The following IL1RAPL1 variants were observed in gnomAD, a reference collection of about 807,000 sequenced individuals.
IL1RAPL1 encodes interleukin-1 receptor accessory protein-like 1.
A neutral mutation model predicts 48.4 loss-of-function variants in IL1RAPL1; 3 were observed. The ratio of observed to expected loss-of-function variants is 0.06; its 90% CI spans 0.03 to 0.16. The LOEUF is 0.16. IL1RAPL1 is among the 10% of genes least tolerant of loss of function. The pLI is 1.00. For synonymous variants in IL1RAPL1, 185 were observed against 187.7 expected (o/e 0.99, Z 0.12); for missense variants, 349 against 530.6 (o/e 0.66, Z 3.36).
intron 5 of IL1RAPL1, among the ~76,000 whole-genome samples, chrX:29,653,692 G>A (rs982383035): frequency 1.8e-5 from 2 of 110,541 alleles, no homozygotes; most frequent in Non-Finnish European, 3.8e-5. Flanking sequence ...TCTTTAGTAA[G>A]CTTTTAGAGT....
At chrX:28,776,154 T>C in intron 1 of IL1RAPL1, among the ~76,000 whole-genome samples, 1 of 111,675 alleles carries the variant, frequency 9.0e-6, no homozygotes, top group Non-Finnish European at 1.9e-5. Flanking sequence ...AAGAGCAAGA[T>C]GATATGCATA....
chrX:28,899,465 C>T (rs775811032), intron 2 of IL1RAPL1, among the ~76,000 whole-genome samples: 7 of 111,780 alleles, frequency 6.3e-5, no homozygotes, highest in African/African-American at 1.9e-4. Context: ...ATTCCTGGGA[C>T]ATTTTGAATA....
intron 5 of IL1RAPL1, among the ~76,000 whole-genome samples, chrX:29,600,235 C>A (rs1054103901): frequency 8.9e-6 from 1 of 111,850 alleles, no homozygotes; most frequent in Non-Finnish European, 1.9e-5. Context: ...TGGTGTTCTC[C>A]CCCTTCCCCT....
intron 5 of IL1RAPL1, among the ~76,000 whole-genome samples, chrX:29,411,190 AATCT>A (rs1263126880): frequency 8.9e-6 from 1 of 112,213 alleles, no homozygotes; most frequent in African/African-American, 3.2e-5. Flanking sequence ...TCAGACATTG[AATCT>A]ATCCATACAT....
intron 6 of IL1RAPL1, among the ~76,000 whole-genome samples, chrX:29,885,099 G>A (rs1007706197): frequency 1.8e-5 from 2 of 111,123 alleles, no homozygotes; most frequent in African/African-American, 3.3e-5. Flanking sequence ...AGCCCCACTG[G>A]CCTTCTTGCT....
At chrX:29,294,050 A>G (rs868006378) in intron 3 of IL1RAPL1, among the ~76,000 whole-genome samples, 1 of 110,010 alleles carries the variant, frequency 9.1e-6, no homozygotes, top group Admixed American at 9.8e-5. Context: ...AAAAAAAAAA[A>G]TAAATGAATA....
intron 2 of IL1RAPL1, among the ~76,000 whole-genome samples, chrX:29,088,045 C>A (rs1927994007): frequency 9.0e-6 from 1 of 111,689 alleles, no homozygotes; most frequent in Non-Finnish European, 1.9e-5. Context: ...ACAACAACAA[C>A]AAATGTCTTC....
At chrX:28,962,590 A>G (rs1450729954) in intron 2 of IL1RAPL1, among the ~76,000 whole-genome samples, 1 of 111,287 alleles carries the variant, frequency 9.0e-6, no homozygotes. Flanking sequence ...AACCGACTGT[A>G]GATTGAAAAT....
chrX:28,815,639 C>T (rs1936854730), intron 2 of IL1RAPL1, among the ~76,000 whole-genome samples: 1 of 103,867 alleles, frequency 9.6e-6, no homozygotes, highest in African/African-American at 3.5e-5. Context: ...CTCTGACAAC[C>T]ATTAATCTAC....
chrX:29,556,967 T>C (rs1161413078), intron 5 of IL1RAPL1, among the ~76,000 whole-genome samples: 1 of 111,482 alleles, frequency 9.0e-6, no homozygotes, highest in Non-Finnish European at 1.9e-5. Flanking sequence ...TTTTAGCAAC[T>C]TTGTTTTTGA....
rs974909248 is a variant in IL1RAPL1, at chrX:29,623,291, AAAAG to A, written c.704-45120_704-45117del. On this transcript the variant is annotated intron_variant, in intron 5 of 10. Coordinates refer to ENST00000378993, the MANE Select transcript of IL1RAPL1 (RefSeq NM_014271.4). The stretch of plus-strand genomic sequence containing the variant: ...ACTGAGACTCCGTCTCAAAAAAAAA[AAAAG>A]AAAGAAAGAAAGAAAGAATTCTTGC... Among the ~76,000 whole-genome samples, 9 of 110,002 alleles carry A rather than the reference AAAAG, an allele frequency of 8.2e-5. No homozygotes were observed. The East Asian group carries it at 8.5e-4, about 10-fold the overall frequency.
intron 2 of IL1RAPL1, among the ~76,000 whole-genome samples, chrX:29,201,437 C>T (rs191566095): frequency 1.9e-3 from 210 of 110,861 alleles, no homozygotes; most frequent in African/African-American, 6.4e-3. Flanking sequence ...AAAAATATGA[C>T]GTTGTCTCTG....
intron 3 of IL1RAPL1, among the ~76,000 whole-genome samples, chrX:29,284,815 T>C (rs770459419): frequency 8.9e-6 from 1 of 112,316 alleles, no homozygotes; most frequent in African/African-American, 3.2e-5. Context: ...TAGGGTTTAC[T>C]AATCCTTTTA....
intron 2 of IL1RAPL1, among the ~76,000 whole-genome samples, chrX:29,198,946 T>C (rs893281678): frequency 8.9e-6 from 1 of 111,910 alleles, no homozygotes; most frequent in Admixed American, 9.6e-5. Context: ...GATAGTTGCG[T>C]TTTACTCTCT....
intron 2 of IL1RAPL1, among the ~76,000 whole-genome samples, chrX:29,255,307 G>T (rs1041925164): frequency 8.2e-5 from 9 of 109,320 alleles, no homozygotes; most frequent in Non-Finnish European, 1.7e-4. Flanking sequence ...TCTTCTTCCT[G>T]ACCCATGTAA....
At chrX:29,405,602 G>A (rs1425358330) in intron 5 of IL1RAPL1, among the ~76,000 whole-genome samples, 3 of 105,692 alleles carry the variant, frequency 2.8e-5, no homozygotes, top group Non-Finnish European at 5.7e-5. Context: ...TCCTGACCTC[G>A]TGATCCACCC....
chrX:29,767,944 C>T (rs1335170110), intron 6 of IL1RAPL1, among the ~76,000 whole-genome samples: 2 of 108,210 alleles, frequency 1.8e-5, no homozygotes, highest in Admixed American at 1.9e-4. Context: ...TTCAGTTTAA[C>T]AGTTGTAAAT....
intron 5 of IL1RAPL1, among the ~76,000 whole-genome samples, chrX:29,629,818 T>C (rs12832475): frequency 8.9e-6 from 1 of 112,125 alleles, no homozygotes; most frequent in Non-Finnish European, 1.9e-5. Flanking sequence ...TGCTAGACTG[T>C]GGATCTCTTC....
At chrX:29,563,817 T>C (rs1356912774) in intron 5 of IL1RAPL1, among the ~76,000 whole-genome samples, 1 of 112,144 alleles carries the variant, frequency 8.9e-6, no homozygotes, top group Non-Finnish European at 1.9e-5. Context: ...GAAGTGAAAT[T>C]GGCAATCCTG....
Sources: gnomAD v4.1 joint callset for allele counts (sites outside exome capture counted in the v4.1 genomes callset) on GRCh38, gnomAD v4.1.1 for gene constraint, MANE v1.5 for transcripts, NCBI Gene and HGNC (gene_info 2026-07-23, HGNC 2026-07-21) for gene names.